SLC30A7: variants seen among roughly 807,000 people sequenced by gnomAD.
SLC30A7 encodes zinc transporter 7.
In SLC30A7, 35 loss-of-function variants were observed where a neutral mutation model predicts 46.0. The ratio of observed to expected loss-of-function variants is 0.76; its 90% CI spans 0.58 to 1.01. SLC30A7 has a LOEUF of 1.01. Among genes scored for constraint, SLC30A7 ranks in the 50% least tolerant of loss-of-function variants. SLC30A7 has a pLI of 0.00. For synonymous variants in SLC30A7, 147 were observed against 157.8 expected (o/e 0.93, Z 0.51); for missense variants, 464 against 451.1 (o/e 1.03, Z -0.26).
intron 7 of SLC30A7, among the ~76,000 whole-genome samples, chr1:100,919,729 A>G (rs1190647019): frequency 6.6e-6 from 1 of 152,126 alleles, no homozygotes; most frequent in Non-Finnish European, 1.5e-5. Flanking sequence ...ATAAATTTAT[A>G]TTTTCTGAAT....
intron 2 of SLC30A7, among the ~76,000 whole-genome samples, chr1:100,899,031 T>G (rs2100998462): frequency 6.6e-6 from 1 of 152,338 alleles, no homozygotes; most frequent in South Asian, 2.1e-4. Context: ...TTCAGAGCCT[T>G]CATTTTAAAG....
Position 100,976,706 on chromosome 1 carries a change from T to G in SLC30A7, c.*1849T>G, listed in dbSNP as rs574949255. On this transcript the variant is annotated 3_prime_UTR_variant, in exon 11 of 11. Coordinates refer to ENST00000357650, the MANE Select transcript of SLC30A7 (RefSeq NM_133496.5). Reference sequence around the variant, plus strand: ...ATGTGGCAGAAATCCCTGTTGATTCTAAGTTTTAGAGTGTCTTTTCCCCTA... The same window carrying G: ...ATGTGGCAGAAATCCCTGTTGATTCGAAGTTTTAGAGTGTCTTTTCCCCTA... 1.3e-5 allele frequency: 2 copies of G among 152,792 alleles called. No homozygotes were observed. Among genetic ancestry groups the G allele is most frequent in the African/African-American group, 4.8e-5 (2 of 41,588 alleles). The allele number at this position is 152,792 out of a possible 1,614,324, so 9.5% of individuals were successfully genotyped here.
At chr1:100,953,863 T>C (rs1411079401) in intron 8 of SLC30A7, among the ~76,000 whole-genome samples, 1 of 152,216 alleles carries the variant, frequency 6.6e-6, no homozygotes, top group African/African-American at 2.4e-5. Flanking sequence ...AAATTGCACA[T>C]TGAGAATTGA....
chr1:100,972,327 C>T (rs767056947), intron 10 of SLC30A7: 21 of 312,262 alleles, frequency 6.7e-5, no homozygotes, highest in South Asian at 4.2e-4. Flanking sequence ...CTGTCCTCAT[C>T]GGGCCAGATG....
chr1:100,896,991 G>T (rs1651010983), intron 2 of SLC30A7, among the ~76,000 whole-genome samples: 1 of 151,620 alleles, frequency 6.6e-6, no homozygotes, highest in Non-Finnish European at 1.5e-5. Context: ...TACCCACTTT[G>T]TTGGAATTGG....
chr1:100,952,343 A>G (rs966919212), intron 8 of SLC30A7, among the ~76,000 whole-genome samples: 2 of 152,188 alleles, frequency 1.3e-5, no homozygotes, highest in Non-Finnish European at 2.9e-5. Flanking sequence ...TAAAATGGGG[A>G]CAATGATAAT....
rs2101113300 is a variant in SLC30A7 at position 100,981,148 on chromosome 1, T to C, written c.*6291T>C. The C allele has an allele frequency of 1.3e-5, 2 of 152,266 alleles. No individual in the cohort carries two copies. The highest frequency in any genetic ancestry group is 4.1e-4 in the South Asian group (2 of 4,830). 9.4% of individuals were successfully genotyped at this position (152,266 alleles called of 1,614,324 possible). On this transcript the variant is annotated 3_prime_UTR_variant, in exon 11 of 11. Transcript: ENST00000357650. ...GGGAAAATTTTTTTATTTAGAATTT[T>C]AATATTTGAATTTTGTTTATGTATC...
intron 10 of SLC30A7, among the ~76,000 whole-genome samples, chr1:100,974,325 T>TA (rs1458747383): frequency 1.3e-5 from 2 of 152,160 alleles, no homozygotes; most frequent in Non-Finnish European, 2.9e-5. Flanking sequence ...ATACAGAAGA[T>TA]ATTGGGGAGA....
chr1:100,917,488 CTCA>C (rs1315490607), intron 6 of SLC30A7, among the ~76,000 whole-genome samples: 1 of 152,112 alleles, frequency 6.6e-6, no homozygotes, highest in African/African-American at 2.4e-5. Flanking sequence ...ACAAATATTG[CTCA>C]TCTTTTGCCT....
At chr1:100,961,040 C>G (rs954943370) in intron 8 of SLC30A7, among the ~76,000 whole-genome samples, 4 of 149,924 alleles carry the variant, frequency 2.7e-5, no homozygotes, top group African/African-American at 9.8e-5. Flanking sequence ...CTGCAAGCTC[C>G]GCCTCCCAGG....
chr1:100,989,095 T>A, the SLC30A7 span, among the ~76,000 whole-genome samples: 1 of 152,138 alleles, frequency 6.6e-6, no homozygotes, highest in Admixed American at 6.5e-5. Context: ...AAGAAAGCTA[T>A]TTCTATTCAG....
intron 8 of SLC30A7, 96 bp from the exon 9 acceptor site, chr1:100,961,732 A>G: frequency 1.7e-6 from 1 of 601,912 alleles, no homozygotes; most frequent in South Asian, 2.7e-5. Flanking sequence ...CGTAAGTCCT[A>G]TTATATTCTA....
intron 2 of SLC30A7, among the ~76,000 whole-genome samples, chr1:100,898,192 C>G (rs1651091316): frequency 6.7e-6 from 1 of 150,302 alleles, no homozygotes; most frequent in African/African-American, 2.5e-5. Context: ...CAGATAGTTT[C>G]TATTGCAGTG....
chr1:100,911,983 T>C (rs1235490947), intron 4 of SLC30A7, 129 bp from the exon 5 acceptor site: 19 of 765,574 alleles, frequency 2.5e-5, no homozygotes, highest in Non-Finnish European at 3.8e-5. Context: ...ATCAACTGTT[T>C]TGGGAGATTT....
chr1:100,927,688 ATTT>A (rs1356285285), intron 8 of SLC30A7, among the ~76,000 whole-genome samples: 1 of 152,160 alleles, frequency 6.6e-6, no homozygotes, highest in Non-Finnish European at 1.5e-5. Flanking sequence ...AGAGAGTTAG[ATTT>A]AACAGGTTTG....
intron 6 of SLC30A7, among the ~76,000 whole-genome samples, chr1:100,916,262 C>T (rs1046760266): frequency 2.6e-5 from 4 of 152,112 alleles, no homozygotes; most frequent in Non-Finnish European, 5.9e-5. Flanking sequence ...TATCGGCTCA[C>T]TGCAACCTCT....
chr1:100,960,881 T>C (rs1280422170), intron 8 of SLC30A7, among the ~76,000 whole-genome samples: 1 of 151,670 alleles, frequency 6.6e-6, no homozygotes, highest in Non-Finnish European at 1.5e-5. Context: ...GAATTGGATA[T>C]GTGCTAGATT....
intron 8 of SLC30A7, 116 bp downstream of exon 8, chr1:100,921,957 T>TA: frequency 2.1e-6 from 2 of 974,002 alleles, no homozygotes; most frequent in Non-Finnish European, 2.9e-6. Context: ...TTGCTTTTTT[T>TA]TTTTTTTTTT....
At chr1:100,990,171 T>C in the SLC30A7 span, 3 of 497,264 alleles carry the variant, frequency 6.0e-6, no homozygotes, top group Non-Finnish European at 1.1e-5. Context: ...GCGGCAAGAG[T>C]GAGAATGAGA....
Sources: gnomAD v4.1 joint callset for allele counts (sites outside exome capture counted in the v4.1 genomes callset) on GRCh38, gnomAD v4.1.1 for gene constraint, MANE v1.5 for transcripts, NCBI Gene and HGNC (gene_info 2026-07-23, HGNC 2026-07-21) for gene names.